Variants in RPL37 observed in about 807,000 individuals in gnomAD.
RPL37 encodes the protein ribosomal protein L37.
In RPL37, 1 loss-of-function variant was observed where a neutral mutation model predicts 14.8. That is an observed-to-expected ratio of 0.07 (90% CI 0.02 to 0.32). RPL37 has a LOEUF of 0.32. Ranked by LOEUF, RPL37 falls within the 10% of genes least tolerant of loss-of-function variation. The pLI is 1.00. For synonymous variants in RPL37, 53 were observed against 45.8 expected (o/e 1.16, Z -0.63); for missense variants, 100 against 128.3 (o/e 0.78, Z 1.06).
chr5:40,826,194 C>G lies in RPL37; in HGVS notation c.*6310G>C, dbSNP rs1278134527. The G allele has an allele frequency of 6.6e-6, 1 of 152,154 alleles. No individual in the cohort carries two copies. Among genetic ancestry groups the G allele is most frequent in the Admixed American group, 6.5e-5 (1 of 15,282 alleles). 9.4% of individuals were successfully genotyped at this position (152,154 alleles called of 1,614,324 possible). A position where few individuals can be genotyped will look rare whatever the true frequency, so the allele number is the denominator to read the frequency against. ...TTTAAGGCAAAGAAAATACTTTTTA[C>G]ATTTGCTAGATGTTTATTTGCAGAG... On this transcript the variant is annotated 3_prime_UTR_variant, in exon 4 of 4. Transcript: ENST00000274242.
In RPL37 at chr5:40,828,443, C is replaced by G. The variant is rs541809602; in HGVS notation, c.*4061G>C. Reference sequence around the variant, plus strand: ...ACACATAGTAGTCACTAAATAGATACTTGCTTCATGAATGAAGGGCACCAT... The same window carrying G: ...ACACATAGTAGTCACTAAATAGATAGTTGCTTCATGAATGAAGGGCACCAT... On this transcript the variant is annotated 3_prime_UTR_variant, in exon 4 of 4. Coordinates refer to ENST00000274242, the MANE Select transcript of RPL37 (RefSeq NM_000997.5). 6.6e-6 allele frequency: 1 copy of G among 152,216 alleles called. No individual in the cohort carries two copies. The highest frequency in any genetic ancestry group is 2.1e-4 in the South Asian group (1 of 4,832). 9.4% of individuals were successfully genotyped at this position (152,216 alleles called of 1,614,324 possible). A position where few individuals can be genotyped will look rare whatever the true frequency, so the allele number is the denominator to read the frequency against.
rs150453721 is a variant in RPL37 at position 40,834,622 on chromosome 5, A to T, written c.4-16T>A. Reference sequence around the variant, plus strand: ...TTCCCTTCGTCTGCACATTAAAGGAATAAATAGTTCTGAAACCTGGCAACT... The same window carrying T: ...TTCCCTTCGTCTGCACATTAAAGGATTAAATAGTTCTGAAACCTGGCAACT... On this transcript the variant is annotated splice_polypyrimidine_tract_variant and intron_variant, in intron 1 of 3. Transcript: ENST00000274242. 694 of 1,594,566 alleles carry T rather than the reference A, an allele frequency of 4.4e-4. 3 individuals carry two copies. The African/African-American group carries it at 8.4e-3, about 19-fold the overall frequency.
At chr5:40,834,448 T>C in intron 2 of RPL37, 23 bp downstream of exon 2, 1 of 1,608,220 alleles carries the variant, frequency 6.2e-7, no homozygotes, top group Non-Finnish European at 8.5e-7. Flanking sequence ...GCTAACACAG[T>C]TGGCCTGAAA....
Position 40,827,570 on chromosome 5 carries a change from A to G in RPL37, c.*4934T>C, listed in dbSNP as rs901830463. 8 of 152,178 alleles carry G rather than the reference A, an allele frequency of 5.3e-5. No homozygotes were observed. Among genetic ancestry groups the G allele is most frequent in the Non-Finnish European group, 1.2e-4 (8 of 68,030 alleles). The allele number at this position is 152,178 out of a possible 1,614,324, so 9.4% of individuals were successfully genotyped here. On this transcript the variant is annotated 3_prime_UTR_variant, in exon 4 of 4. Coordinates refer to ENST00000274242, the MANE Select transcript of RPL37 (RefSeq NM_000997.5). ...GCACCAGGGTATACTCCCACCGTATAAAGACACAAACATAAAAGCAATGTT... is the reference window on the plus strand; with the variant it reads ...GCACCAGGGTATACTCCCACCGTATGAAGACACAAACATAAAAGCAATGTT...
At chr5:40,832,799 G>C in intron 3 of RPL37, 1 of 616,136 alleles carries the variant, frequency 1.6e-6, no homozygotes, top group South Asian at 1.6e-5. Context: ...CTGCAATAAA[G>C]GCTCAAAAAC....
At chr5:40,834,823 T>C (rs1579795085) in intron 1 of RPL37, among the ~76,000 whole-genome samples, 1 of 152,148 alleles carries the variant, frequency 6.6e-6, no homozygotes, top group Admixed American at 6.6e-5. Flanking sequence ...AAATGCACCT[T>C]ATCTTTACAG....
chr5:40,835,146 T>C (rs1745737841), intron 1 of RPL37, 37 bp downstream of exon 1: 1 of 1,613,966 alleles, frequency 6.2e-7, no homozygotes, highest in Non-Finnish European at 8.5e-7. Context: ...AGGACGAGGA[T>C]GGAACGCGAT....
In RPL37 at chr5:40,829,195, C is replaced by G. The variant is rs1745584399; in HGVS notation, c.*3309G>C. The G allele has an allele frequency of 6.6e-6, 1 of 152,208 alleles. No individual in the cohort carries two copies. Among genetic ancestry groups the G allele is most frequent in the Non-Finnish European group, 1.5e-5 (1 of 68,032 alleles). The allele number at this position is 152,208 out of a possible 1,614,324, so 9.4% of individuals were successfully genotyped here. On this transcript the variant is annotated 3_prime_UTR_variant, in exon 4 of 4. Coordinates refer to ENST00000274242, the MANE Select transcript of RPL37 (RefSeq NM_000997.5). ...ATGTTTTCTGTAGAGAACTCCCGGACAGCCCCACAGCCACTGCCTTAGTCT... is the reference window on the plus strand; with the variant it reads ...ATGTTTTCTGTAGAGAACTCCCGGAGAGCCCCACAGCCACTGCCTTAGTCT...
rs1745519999 is a variant in RPL37 at position 40,826,468 on chromosome 5, T to C, written c.*6036A>G. 1 of 152,216 alleles carries C rather than the reference T, an allele frequency of 6.6e-6. No individual in the cohort carries two copies. The highest frequency in any genetic ancestry group is 2.4e-5 in the African/African-American group (1 of 41,452). 9.4% of individuals were successfully genotyped at this position (152,216 alleles called of 1,614,324 possible). On this transcript the variant is annotated 3_prime_UTR_variant, in exon 4 of 4. Coordinates refer to ENST00000274242, the MANE Select transcript of RPL37 (RefSeq NM_000997.5). ...ATAGAGACCAATGAAGAAATTTCTTTGGAGAATTGTTAAGTGCTCAATTCA... is the reference window on the plus strand; with the variant it reads ...ATAGAGACCAATGAAGAAATTTCTTCGGAGAATTGTTAAGTGCTCAATTCA...
Position 40,828,707 on chromosome 5 carries a change from G to A in RPL37, c.*3797C>T, listed in dbSNP as rs1745571417. 1 of 152,116 alleles carries A rather than the reference G, an allele frequency of 6.6e-6. No homozygotes were observed. The highest frequency in any genetic ancestry group is 6.6e-5 in the Admixed American group (1 of 15,254). The allele number at this position is 152,116 out of a possible 1,614,324, so 9.4% of individuals were successfully genotyped here. Reference sequence around the variant, plus strand: ...TTTGGCCTCAGCCACATGTGACTGAGTGCCCCCCTCAAACAATCCCCTTCC... The same window carrying A: ...TTTGGCCTCAGCCACATGTGACTGAATGCCCCCCTCAAACAATCCCCTTCC... On this transcript the variant is annotated 3_prime_UTR_variant, in exon 4 of 4. Transcript: ENST00000274242.
chr5:40,828,614 GT>G lies in RPL37; in HGVS notation c.*3889del, dbSNP rs1745569581. ...TCTTTGCTGCTCTAACATGAGAGAG[GT>G]TTATGAAAAGTAAAGACTAGCCTAA... On this transcript the variant is annotated 3_prime_UTR_variant, in exon 4 of 4. Coordinates refer to ENST00000274242, the MANE Select transcript of RPL37 (RefSeq NM_000997.5). The G allele has an allele frequency of 6.6e-6, 1 of 152,170 alleles. No individual in the cohort carries two copies. The highest frequency in any genetic ancestry group is 2.1e-4 in the South Asian group (1 of 4,830). The allele number at this position is 152,170 out of a possible 1,614,324, so 9.4% of individuals were successfully genotyped here.
In RPL37 at chr5:40,835,164, C is replaced by T; in HGVS notation, c.3+19G>A. The T allele has an allele frequency of 1.2e-6, 2 of 1,614,148 alleles. No individual in the cohort carries two copies. Among genetic ancestry groups the T allele is most frequent in the Non-Finnish European group, 8.5e-7 (1 of 1,180,032 alleles). ...ACGAGGATGGAACGCGATTCACAAA[C>T]ACCACAGTCACAACTCACCATCTCG... On this transcript the variant is annotated intron_variant, in intron 1 of 3. Coordinates refer to ENST00000274242, the MANE Select transcript of RPL37 (RefSeq NM_000997.5).
chr5:40,834,228 G>C lies in RPL37; in HGVS notation c.177C>G (p.Thr59=), dbSNP rs757839130. ...TTAGGTGCCTCATTCGACCAGTTCC[G>C]GTGGTATTTCGTCTTTTAGCCTTGG... The part of the protein sequence containing the change: ...WSAKAKRRNT[T]GTGRMRHLKI... Residue 59 remains threonine, a synonymous_variant, in exon 3 of 4, where the codon ACC becomes ACG. Coordinates refer to ENST00000274242, the MANE Select transcript of RPL37 (RefSeq NM_000997.5). 6.2e-7 allele frequency: 1 copy of C among 1,614,022 alleles called. No individual in the cohort carries two copies. The highest frequency in any genetic ancestry group is 1.1e-5 in the South Asian group (1 of 91,068).
intron 2 of RPL37, 90 bp downstream of exon 2, chr5:40,834,381 A>G (rs1031495759): frequency 6.3e-6 from 10 of 1,577,638 alleles, no homozygotes; most frequent in Non-Finnish European, 7.8e-6. Context: ...GAGTTTTAAG[A>G]TAGGCACCAA....
chr5:40,828,220 A>G lies in RPL37; in HGVS notation c.*4284T>C, dbSNP rs1264011705. 6.6e-6 allele frequency: 1 copy of G among 152,174 alleles called. No homozygotes were observed. The highest frequency in any genetic ancestry group is 1.5e-5 in the Non-Finnish European group (1 of 68,036). The allele number at this position is 152,174 out of a possible 1,614,324, so 9.4% of individuals were successfully genotyped here. A position where few individuals can be genotyped will look rare whatever the true frequency, so the allele number is the denominator to read the frequency against. On this transcript the variant is annotated 3_prime_UTR_variant, in exon 4 of 4. Coordinates refer to ENST00000274242, the MANE Select transcript of RPL37 (RefSeq NM_000997.5). ...TGGCTCCTTATCATTCAACTTAACC[A>G]ACCTTCTAAAGGTTCCTCCATCCCC...
chr5:40,826,347 A>T lies in RPL37; in HGVS notation c.*6157T>A, dbSNP rs1745517539. ...TGGTCAGTTTTCAGTTTTTATCATT[A>T]TTTATTATTTTATTTTTTATATCCC... On this transcript the variant is annotated 3_prime_UTR_variant, in exon 4 of 4. Coordinates refer to ENST00000274242, the MANE Select transcript of RPL37 (RefSeq NM_000997.5). The T allele has an allele frequency of 6.6e-6, 1 of 151,908 alleles. No homozygotes were observed. Among genetic ancestry groups the T allele is most frequent in the South Asian group, 2.1e-4 (1 of 4,834 alleles). 9.4% of individuals were successfully genotyped at this position (151,908 alleles called of 1,614,324 possible). A position where few individuals can be genotyped will look rare whatever the true frequency, so the allele number is the denominator to read the frequency against.
At position 40,830,213 on chromosome 5, in the gene RPL37, GAAGAT is replaced by G. The variant is rs1278524065; in HGVS notation, c.*2286_*2290del. 1 of 152,136 alleles carries G rather than the reference GAAGAT, an allele frequency of 6.6e-6. No individual in the cohort carries two copies. The highest frequency in any genetic ancestry group is 1.5e-5 in the Non-Finnish European group (1 of 68,028). The allele number at this position is 152,136 out of a possible 1,614,324, so 9.4% of individuals were successfully genotyped here. A position where few individuals can be genotyped will look rare whatever the true frequency, so the allele number is the denominator to read the frequency against. On this transcript the variant is annotated 3_prime_UTR_variant, in exon 4 of 4. Coordinates refer to ENST00000274242, the MANE Select transcript of RPL37 (RefSeq NM_000997.5). The stretch of plus-strand genomic sequence containing the variant: ...GCACACCAACATATAACACTGCAGA[GAAGAT>G]AAAAGCATAATTTCTGCTGAAAAAT...
At position 40,826,564 on chromosome 5, in the gene RPL37, C is replaced by T. The variant is rs1054584473; in HGVS notation, c.*5940G>A. 6.6e-6 allele frequency: 1 copy of T among 152,164 alleles called. No homozygotes were observed. The highest frequency in any genetic ancestry group is 1.5e-5 in the Non-Finnish European group (1 of 68,022). 9.4% of individuals were successfully genotyped at this position (152,164 alleles called of 1,614,324 possible). ...TGAAAGGAACTTCAAGGAAGCCCTT[C>T]AGAGAGCTTTGAAATGTGTTTCGTA... On this transcript the variant is annotated 3_prime_UTR_variant, in exon 4 of 4. Transcript: ENST00000274242.
In RPL37 at chr5:40,832,235, C is replaced by G. The variant is rs1352661643; in HGVS notation, c.*269G>C. The G allele has an allele frequency of 6.7e-6, 3 of 446,308 alleles. No individual in the cohort carries two copies. Among genetic ancestry groups the G allele is most frequent in the Non-Finnish European group, 1.3e-5 (3 of 237,822 alleles). The allele number at this position is 446,308 out of a possible 1,614,324, so 27.6% of individuals were successfully genotyped here. ...ACATGAGCTGTGCTATTTTAATCTG[C>G]TATATTGTCTTCCAGTGCCCTCTGC... On this transcript the variant is annotated 3_prime_UTR_variant, in exon 4 of 4. Coordinates refer to ENST00000274242, the MANE Select transcript of RPL37 (RefSeq NM_000997.5).
Sources: allele counts gnomAD v4.1 joint callset (sites outside exome capture counted in the v4.1 genomes callset), GRCh38; gene constraint gnomAD v4.1.1; transcripts MANE v1.5; gene names NCBI Gene and HGNC (gene_info 2026-07-23, HGNC 2026-07-21).